The following EHBP1 variants were observed in gnomAD, a reference collection of about 807,000 sequenced individuals.
EHBP1 encodes EH domain-binding protein 1.
EHBP1 carries 55 observed loss-of-function variants against 144.0 expected under a neutral mutation model. That is an observed-to-expected ratio of 0.38 (90% CI 0.31 to 0.48). EHBP1 has a LOEUF of 0.48. Among genes scored for constraint, EHBP1 ranks in the 20% least tolerant of loss-of-function variants. The probability of loss-of-function intolerance (pLI) is 0.98; values close to 1 mark genes in which losing one functional copy is unlikely to be tolerated. For synonymous variants in EHBP1, 469 were observed against 472.7 expected (o/e 0.99, Z 0.10); for missense variants, 1,200 against 1,364.2 (o/e 0.88, Z 1.90).
intron 13 of EHBP1, among the ~76,000 whole-genome samples, chr2:62,951,544 G>GA (rs1251843029): frequency 7.1e-6 from 1 of 140,678 alleles, no homozygotes. Flanking sequence ...TGGGGGGGGG[G>GA]GGTGGAGTCT....
At position 62,798,985 on chromosome 2, in the gene EHBP1, C is replaced by T. The variant is rs1279476093; in HGVS notation, c.313-27102C>T. The stretch of plus-strand genomic sequence containing the variant: ...TGCCACTGCACGCCAGCCTGGGTGA[C>T]AAAGCAAGACTCCGTCTCAAAAAAA... On this transcript the variant is annotated intron_variant, in intron 5 of 22. Transcript: ENST00000431489. 1.7e-4 allele frequency among the ~76,000 whole-genome samples: 13 copies of T among 74,388 alleles called. No homozygotes were observed. The Admixed American group carries it at 2.9e-3, about 17-fold the overall frequency. 48.8% of individuals were successfully genotyped at this position (74,388 alleles called of 152,430 possible). A position where few individuals can be genotyped will look rare whatever the true frequency, so the allele number is the denominator to read the frequency against.
intron 10 of EHBP1, 91 bp downstream of exon 10, chr2:62,874,623 T>C: frequency 8.7e-7 from 1 of 1,153,690 alleles, no homozygotes; most frequent in South Asian, 1.7e-5. Flanking sequence ...AATTTTTGGC[T>C]ATTTTTGATG....
At chr2:62,956,756 A>G (rs1558979542) in intron 14 of EHBP1, among the ~76,000 whole-genome samples, 1 of 151,910 alleles carries the variant, frequency 6.6e-6, no homozygotes, top group Non-Finnish European at 1.5e-5. Context: ...TTAGGTTAAT[A>G]GATTCTGTGA....
At chr2:62,746,280 T>G (rs1391123553) in intron 2 of EHBP1, among the ~76,000 whole-genome samples, 1 of 152,096 alleles carries the variant, frequency 6.6e-6, no homozygotes, top group Non-Finnish European at 1.5e-5. Flanking sequence ...GTTTTTCTTT[T>G]AACGGTTGTT....
At chr2:62,736,195 T>G (rs916046054) in intron 2 of EHBP1, among the ~76,000 whole-genome samples, 2 of 147,580 alleles carry the variant, frequency 1.4e-5, no homozygotes, top group African/African-American at 2.5e-5. Context: ...TTCTATTCTG[T>G]TTTTTTTTTC....
At chr2:63,039,161 A>T (rs1031320388) in intron 21 of EHBP1, among the ~76,000 whole-genome samples, 2 of 152,170 alleles carry the variant, frequency 1.3e-5, no homozygotes, top group Admixed American at 1.3e-4. Context: ...TTTGGAAAAG[A>T]TTTATCATTT....
chr2:62,855,051 G>A (rs1210704270), intron 7 of EHBP1, among the ~76,000 whole-genome samples: 1 of 152,220 alleles, frequency 6.6e-6, no homozygotes, highest in Non-Finnish European at 1.5e-5. Context: ...CAGGGAGCAG[G>A]CAGGAGCCGT....
intron 9 of EHBP1, among the ~76,000 whole-genome samples, chr2:62,873,256 G>C (rs1295990499): frequency 6.6e-6 from 1 of 152,048 alleles, no homozygotes; most frequent in Non-Finnish European, 1.5e-5. Flanking sequence ...GACAGATAGA[G>C]ACTATAAAAT....
chr2:62,982,195 T>G (rs2059003367), intron 15 of EHBP1, among the ~76,000 whole-genome samples: 2 of 152,222 alleles, frequency 1.3e-5, no homozygotes, highest in Non-Finnish European at 2.9e-5. Context: ...ATACATTTAT[T>G]TATCAAACAG....
chr2:62,760,854 T>C (rs1229148590), intron 3 of EHBP1, among the ~76,000 whole-genome samples: 3 of 152,236 alleles, frequency 2.0e-5, no homozygotes, highest in African/African-American at 7.2e-5. Context: ...TATCCAGATC[T>C]GAATTAGATC....
At chr2:62,979,015 T>A (rs2058839600) in intron 14 of EHBP1, among the ~76,000 whole-genome samples, 173 bp from the exon 15 acceptor site, 1 of 152,244 alleles carries the variant, frequency 6.6e-6, no homozygotes, top group African/African-American at 2.4e-5. Flanking sequence ...TTTAAAAATC[T>A]GATTCTAAGA....
At chr2:62,745,897 AG>A (rs1212079521) in intron 2 of EHBP1, among the ~76,000 whole-genome samples, 2 of 152,108 alleles carry the variant, frequency 1.3e-5, no homozygotes, top group Admixed American at 6.6e-5. Context: ...TCAACCTGCA[AG>A]GGCCAGTTGG....
intron 2 of EHBP1, among the ~76,000 whole-genome samples, chr2:62,723,481 A>G (rs1262573046): frequency 2.6e-5 from 4 of 151,852 alleles, no homozygotes; most frequent in African/African-American, 9.7e-5. Context: ...GCCCATTTAC[A>G]TTTAAGGTTA....
chr2:62,985,280 A>G (rs1202898618), intron 15 of EHBP1, among the ~76,000 whole-genome samples: 1 of 152,134 alleles, frequency 6.6e-6, no homozygotes, highest in East Asian at 1.9e-4. Context: ...TCCCTAGACC[A>G]CTTTTGCTTT....
At chr2:63,009,290 A>G (rs1301948100) in intron 19 of EHBP1, among the ~76,000 whole-genome samples, 1 of 151,560 alleles carries the variant, frequency 6.6e-6, no homozygotes, top group African/African-American at 2.4e-5. Context: ...ATGTCTGATC[A>G]TTTTTCTGTT....
At chr2:63,031,040 G>A (rs886663050) in intron 19 of EHBP1, among the ~76,000 whole-genome samples, 3 of 151,962 alleles carry the variant, frequency 2.0e-5, no homozygotes, top group Non-Finnish European at 2.9e-5. Flanking sequence ...CAGGTGATCC[G>A]CCCACCTCGG....
At chr2:62,952,455 T>A (rs1367184613) in intron 13 of EHBP1, among the ~76,000 whole-genome samples, 2 of 152,204 alleles carry the variant, frequency 1.3e-5, no homozygotes, top group Non-Finnish European at 2.9e-5. Context: ...TAGTAGTTCA[T>A]AAAATAATAG....
At chr2:62,855,730 G>A (rs2049002395) in intron 7 of EHBP1, among the ~76,000 whole-genome samples, 1 of 152,132 alleles carries the variant, frequency 6.6e-6, no homozygotes, top group African/African-American at 2.4e-5. Flanking sequence ...GGAAGTTGAT[G>A]GGACTACTTG....
chr2:62,991,463 A>G (rs2059411313), intron 16 of EHBP1, among the ~76,000 whole-genome samples: 1 of 152,010 alleles, frequency 6.6e-6, no homozygotes, highest in Non-Finnish European at 1.5e-5. Context: ...ATTCTAGCGC[A>G]TTTTTCAATA....
Sources: gnomAD v4.1 joint callset for allele counts (sites outside exome capture counted in the v4.1 genomes callset) on GRCh38, gnomAD v4.1.1 for gene constraint, MANE v1.5 for transcripts, NCBI Gene and HGNC (gene_info 2026-07-23, HGNC 2026-07-21) for gene names.